The following FCHSD2 variants were observed in gnomAD, a reference collection of about 807,000 sequenced individuals.
FCHSD2 encodes the protein F-BAR and double SH3 domains protein 2.
Under a neutral mutation model 108.1 loss-of-function variants are expected in FCHSD2, and 38 were observed. The ratio of observed to expected loss-of-function variants is 0.35; its 90% CI spans 0.27 to 0.46. The LOEUF (loss-of-function observed/expected upper bound fraction) is 0.46, where lower values mean the gene tolerates loss of function less well. Among genes scored for constraint, FCHSD2 ranks in the 20% least tolerant of loss-of-function variants. The probability of loss-of-function intolerance (pLI) is 1.00; values close to 1 mark genes in which losing one functional copy is unlikely to be tolerated. For synonymous variants in FCHSD2, 279 were observed against 314.7 expected (o/e 0.89, Z 1.20); for missense variants, 751 against 897.8 (o/e 0.84, Z 2.09).
At chr11:72,905,876 G>A (rs551802011) in intron 9 of FCHSD2, among the ~76,000 whole-genome samples, 1 of 152,280 alleles carries the variant, frequency 6.6e-6, no homozygotes, top group Non-Finnish European at 1.5e-5. Context: ...CTTTGCTATT[G>A]TGAATAGTGC....
At chr11:72,985,631 C>T (rs1454466819) in intron 6 of FCHSD2, among the ~76,000 whole-genome samples, 1 of 152,114 alleles carries the variant, frequency 6.6e-6, no homozygotes, top group Non-Finnish European at 1.5e-5. Context: ...TGTTTGGGTA[C>T]CTGCCTGTGT....
In FCHSD2 at chr11:72,843,184, G is replaced by T. The variant is rs549243569; in HGVS notation, c.1672C>A (p.Leu558Ile). ...HTSSNSTEAE[L>I]VSGSLNGDAS... ...TCTCCGTTGAGGCTGCCTGAAACGA[G>T]TTCTGCTTCCGTGGAATTGCTGGAC... The change falls in exon 16 of 20, where the codon CTC (leucine) becomes ATC (isoleucine). Residue 558 changes from leucine to isoleucine, a missense_variant. By Grantham distance (5) the Leu-to-Ile change is conservative. Coordinates refer to ENST00000409418, the MANE Select transcript of FCHSD2 (RefSeq NM_014824.3). 8.1e-6 allele frequency: 13 copies of T among 1,613,892 alleles called. No homozygotes were observed. Among genetic ancestry groups the T allele is most frequent in the Non-Finnish European group, 6.8e-6 (8 of 1,179,906 alleles).
chr11:73,039,344 C>A (rs1858574896), intron 3 of FCHSD2, among the ~76,000 whole-genome samples: 1 of 151,938 alleles, frequency 6.6e-6, no homozygotes, highest in African/African-American at 2.4e-5. Flanking sequence ...ATGGTGAAAT[C>A]CCATCTCTAC....
chr11:72,963,020 T>C (rs1856844721), intron 8 of FCHSD2, among the ~76,000 whole-genome samples: 1 of 152,196 alleles, frequency 6.6e-6, no homozygotes, highest in Admixed American at 6.5e-5. Flanking sequence ...TCTCTATGCC[T>C]TGGTTACCTC....
At chr11:73,139,079 C>T (rs1185179341) in intron 2 of FCHSD2, among the ~76,000 whole-genome samples, 16 of 152,138 alleles carry the variant, frequency 1.1e-4, no homozygotes. Flanking sequence ...GACAGGTATA[C>T]AGCAGAAATG....
chr11:72,939,580 A>G (rs1856372097), intron 8 of FCHSD2, among the ~76,000 whole-genome samples: 1 of 141,684 alleles, frequency 7.1e-6, no homozygotes, highest in Admixed American at 7.0e-5. Flanking sequence ...TAGGAAATCT[A>G]TGAAGACGGT....
At chr11:73,001,770 C>A (rs756855610) in intron 4 of FCHSD2, among the ~76,000 whole-genome samples, 5 of 152,202 alleles carry the variant, frequency 3.3e-5, no homozygotes, top group Non-Finnish European at 7.3e-5. Flanking sequence ...CTCCCTGTTA[C>A]AACAATGCTT....
rs147233902 is a variant in FCHSD2 at position 72,864,334 on chromosome 11, G to A, written c.1308+3531C>T. On this transcript the variant is annotated intron_variant, in intron 13 of 19. Transcript: ENST00000409418. ...CCAGCACTTTGGGAGGCCAACGTGG[G>A]CGGACTGCTTGATCCTAGGAGTTTG... Among the ~76,000 whole-genome samples the A allele has an allele frequency of 3.3e-3, 505 of 152,312 alleles. 3 individuals carry two copies. Among genetic ancestry groups the A allele is most frequent in the African/African-American group, 0.012 (492 of 41,570 alleles).
intron 2 of FCHSD2, among the ~76,000 whole-genome samples, chr11:73,108,890 C>T (rs1268722870): frequency 1.3e-5 from 2 of 152,184 alleles, no homozygotes; most frequent in Admixed American, 6.5e-5. Context: ...GTTTTTAACA[C>T]AATTTGATTT....
At chr11:72,980,044 C>T (rs1301609425) in intron 8 of FCHSD2, among the ~76,000 whole-genome samples, 5 of 152,154 alleles carry the variant, frequency 3.3e-5, no homozygotes, top group Non-Finnish European at 4.4e-5. Flanking sequence ...GAAAAGATCA[C>T]CTTTAGACAG....
chr11:73,122,416 A>G (rs1288262254), intron 2 of FCHSD2, among the ~76,000 whole-genome samples: 1 of 152,164 alleles, frequency 6.6e-6, no homozygotes, highest in Non-Finnish European at 1.5e-5. Flanking sequence ...GCAGGTATAC[A>G]GGCATCCCCT....
At chr11:72,889,183 G>A (rs537297128) in intron 11 of FCHSD2, among the ~76,000 whole-genome samples, 3 of 148,324 alleles carry the variant, frequency 2.0e-5, no homozygotes, top group South Asian at 4.3e-4. Flanking sequence ...GGATGGTCTC[G>A]ATCTCCTGAC....
At chr11:73,005,158 T>G (rs1171173718) in intron 4 of FCHSD2, among the ~76,000 whole-genome samples, 1 of 152,228 alleles carries the variant, frequency 6.6e-6, no homozygotes, top group African/African-American at 2.4e-5. Context: ...TATCTCCATT[T>G]GAAAAATCTC....
chr11:73,053,048 G>A (rs1438369601), intron 3 of FCHSD2, among the ~76,000 whole-genome samples: 1 of 150,504 alleles, frequency 6.6e-6, no homozygotes, highest in East Asian at 2.0e-4. Context: ...GTTTCACCAT[G>A]TTGGCCAGAC....
intron 4 of FCHSD2, among the ~76,000 whole-genome samples, chr11:73,014,061 C>T (rs564528720): frequency 1.3e-5 from 2 of 152,058 alleles, no homozygotes; most frequent in South Asian, 2.1e-4. Flanking sequence ...TTCATCTCTC[C>T]TCTCTTCCTC....
At chr11:72,847,055 G>C (rs1861165100) in intron 14 of FCHSD2, among the ~76,000 whole-genome samples, 1 of 152,158 alleles carries the variant, frequency 6.6e-6, no homozygotes, top group Non-Finnish European at 1.5e-5. Context: ...GGAGTGCAGT[G>C]GTGTAATCAT....
At chr11:73,057,902 CAG>C (rs376783595) in intron 3 of FCHSD2, among the ~76,000 whole-genome samples, 22 of 145,608 alleles carry the variant, frequency 1.5e-4, no homozygotes, top group African/African-American at 4.6e-4. Flanking sequence ...TTTTTTGAGA[CAG>C]AGTCTCGCTC....
intron 3 of FCHSD2, among the ~76,000 whole-genome samples, chr11:73,075,773 C>A (rs1246249622): frequency 6.6e-6 from 1 of 151,704 alleles, no homozygotes; most frequent in Non-Finnish European, 1.5e-5. Context: ...CAAGATCATA[C>A]CACTGACAAG....
intron 2 of FCHSD2, among the ~76,000 whole-genome samples, chr11:73,092,393 G>A (rs1859979263): frequency 6.6e-6 from 1 of 151,544 alleles, no homozygotes; most frequent in Admixed American, 6.6e-5. Flanking sequence ...TTCCACCTCA[G>A]CCTCCCAAAG....
Sources: allele counts gnomAD v4.1 joint callset (sites outside exome capture counted in the v4.1 genomes callset), GRCh38; gene constraint gnomAD v4.1.1; transcripts MANE v1.5; gene names NCBI Gene and HGNC (gene_info 2026-07-23, HGNC 2026-07-21).